Variants in DLC1 observed in about 807,000 individuals in gnomAD.
The protein encoded by DLC1 is rho GTPase-activating protein 7.
DLC1 carries 54 observed loss-of-function variants against 140.3 expected under a neutral mutation model. The ratio of observed to expected loss-of-function variants is 0.38; its 90% CI spans 0.31 to 0.48. DLC1 has a LOEUF of 0.48. DLC1 is among the 20% of genes least tolerant of loss of function. The pLI is 0.96. For missense variants in DLC1, 2,536 were observed against 1,907.0 expected (o/e 1.33, Z -6.14); for synonymous variants, 986 against 728.1 (o/e 1.35, Z -5.70).
Position 13,231,804 on chromosome 8 carries a change from A to G in DLC1, c.1348+73465T>C, listed in dbSNP as rs117982657. On this transcript the variant is annotated intron_variant, in intron 5 of 17. Transcript: ENST00000276297. ...ATTGTTTGTGAATTCCTTTTAAACA[A>G]TCTTTAAAAGGTCTCTGCAAAAGCA... Among the ~76,000 whole-genome samples the G allele has an allele frequency of 1.1e-4, 16 of 152,344 alleles. No homozygotes were observed. In the East Asian group the frequency reaches 2.7e-3, roughly 26 times the overall value.
At chr8:13,483,196 G>A (rs1019999347) in intron 2 of DLC1, among the ~76,000 whole-genome samples, 1 of 152,112 alleles carries the variant, frequency 6.6e-6, no homozygotes, top group Non-Finnish European at 1.5e-5. Context: ...CTCCTCTTCT[G>A]TCTCTTGTAA....
At chr8:13,396,495 C>G (rs1242963263) in intron 3 of DLC1, among the ~76,000 whole-genome samples, 1 of 152,154 alleles carries the variant, frequency 6.6e-6, no homozygotes, top group Non-Finnish European at 1.5e-5. Context: ...CTTTCACAGA[C>G]AAGGCTTTAC....
At chr8:13,571,702 C>G (rs777397470) in intron 1 of DLC1, among the ~76,000 whole-genome samples, 1 of 152,176 alleles carries the variant, frequency 6.6e-6, no homozygotes, top group African/African-American at 2.4e-5. Flanking sequence ...CACCTGCTTT[C>G]GATTCTTTTG....
At chr8:13,183,902 C>T (rs1398428600) in intron 5 of DLC1, among the ~76,000 whole-genome samples, 2 of 152,186 alleles carry the variant, frequency 1.3e-5, no homozygotes, top group Non-Finnish European at 2.9e-5. Flanking sequence ...ACCAACTCCT[C>T]CTTCTACTTC....
chr8:13,282,010 T>C (rs1458161614), intron 5 of DLC1, among the ~76,000 whole-genome samples: 1 of 152,208 alleles, frequency 6.6e-6, no homozygotes, highest in Non-Finnish European at 1.5e-5. Flanking sequence ...AGATCATTTA[T>C]TCTGGTTGAG....
intron 4 of DLC1, among the ~76,000 whole-genome samples, chr8:13,351,717 T>C (rs1268404132): frequency 6.6e-6 from 1 of 152,186 alleles, no homozygotes. Context: ...AAATATTCAC[T>C]ATCTGATCCT....
chr8:13,140,251 C>T (rs560444170), intron 5 of DLC1, among the ~76,000 whole-genome samples: 3 of 152,016 alleles, frequency 2.0e-5, no homozygotes, highest in Admixed American at 6.6e-5. Context: ...TATATTTTTC[C>T]AGACACGATC....
chr8:13,301,044 ACC>A (rs1238029023), intron 5 of DLC1, among the ~76,000 whole-genome samples: 1 of 152,064 alleles, frequency 6.6e-6, no homozygotes, highest in African/African-American at 2.4e-5. Context: ...CGGCAGGAGA[ACC>A]CAGGCGCCTA....
chr8:13,534,270 A>T (rs1803194953), intron 1 of DLC1, among the ~76,000 whole-genome samples: 1 of 152,216 alleles, frequency 6.6e-6, no homozygotes, highest in African/African-American at 2.4e-5. Context: ...ATGCAGTAGG[A>T]ATGTTAAAGC....
rs577373766 is a variant in DLC1, at chr8:13,155,804, G to T, written c.1349-40147C>A. 6.0e-4 allele frequency among the ~76,000 whole-genome samples: 91 copies of T among 152,270 alleles called. 1 individual carries two copies. The South Asian group carries it at 0.018, about 30-fold the overall frequency. On this transcript the variant is annotated intron_variant, in intron 5 of 17. Coordinates refer to ENST00000276297, the MANE Select transcript of DLC1 (RefSeq NM_182643.3). ...GGAATAAAAGAACTCAGAGCTGTAG[G>T]TTGGTAGTAACTTTAACTGAATATA...
In DLC1 at chr8:13,494,809, G is replaced by T. The variant is rs116122397; in HGVS notation, c.1023+4240C>A. Among the ~76,000 whole-genome samples the T allele has an allele frequency of 5.3e-3, 804 of 152,162 alleles. 8 individuals are homozygous for T. The highest frequency in any genetic ancestry group is 0.018 in the African/African-American group (751 of 41,500). On this transcript the variant is annotated intron_variant, in intron 2 of 17. Coordinates refer to ENST00000276297, the MANE Select transcript of DLC1 (RefSeq NM_182643.3). ...CTACTAAAAATATAAAAATTAGCCA[G>T]ATGTGAGGGTGCACTCCTGTAATCT... is the stretch of plus-strand genomic sequence containing the variant.
At chr8:13,448,960 G>A (rs1798922645) in intron 2 of DLC1, among the ~76,000 whole-genome samples, 1 of 151,970 alleles carries the variant, frequency 6.6e-6, no homozygotes, top group Admixed American at 6.6e-5. Flanking sequence ...CCCGCTATGG[G>A]TTTTTTTAGA....
At chr8:13,102,492 T>C (rs1181532712) in intron 8 of DLC1, among the ~76,000 whole-genome samples, 3 of 152,208 alleles carry the variant, frequency 2.0e-5, no homozygotes, top group Admixed American at 6.5e-5. Flanking sequence ...AAAAATCCAC[T>C]GGGATTCCTT....
chr8:13,495,406 C>T (rs763962391), intron 2 of DLC1, among the ~76,000 whole-genome samples: 4 of 152,140 alleles, frequency 2.6e-5, no homozygotes, highest in African/African-American at 7.2e-5. Flanking sequence ...TTTAACCAGC[C>T]GCCTCACCCC....
intron 1 of DLC1, among the ~76,000 whole-genome samples, chr8:13,592,449 T>C (rs1416665639): frequency 2.6e-5 from 4 of 152,124 alleles, no homozygotes; most frequent in South Asian, 2.1e-4. Flanking sequence ...CTTTTAATGT[T>C]CTATATAGCT....
chr8:13,571,754 T>C (rs944906590), intron 1 of DLC1, among the ~76,000 whole-genome samples: 8 of 152,228 alleles, frequency 5.3e-5, no homozygotes, highest in Non-Finnish European at 1.2e-4. Flanking sequence ...ACGTGGTAAT[T>C]CTATGTTTAG....
intron 4 of DLC1, among the ~76,000 whole-genome samples, chr8:13,305,817 A>G (rs1233748568): frequency 6.6e-6 from 1 of 152,234 alleles, no homozygotes; most frequent in Admixed American, 6.5e-5. Context: ...AGCCTGGGCA[A>G]CACAGTCAGA....
chr8:13,401,528 G>A lies in DLC1; in HGVS notation c.1115C>T (p.Ala372Val). ...LDQLDQDIEN[A>V]LSTSSSPSGT... ...TGATGGAGAGGAGCTGGTGCTGAGGGCATTTTCTATGTCCTGATCAAGCTG... is the reference window on the plus strand; with the variant it reads ...TGATGGAGAGGAGCTGGTGCTGAGGACATTTTCTATGTCCTGATCAAGCTG... The change falls in exon 3 of 18, where the codon GCC (alanine) becomes GTC (valine). Residue 372 changes from alanine to valine, a missense_variant. Coordinates refer to ENST00000276297, the MANE Select transcript of DLC1 (RefSeq NM_182643.3). 6.2e-7 allele frequency: 1 copy of A among 1,613,168 alleles called. No individual in the cohort carries two copies. Among genetic ancestry groups the A allele is most frequent in the Middle Eastern group, 1.9e-4 (1 of 5,346 alleles).
chr8:13,487,950 T>C (rs1801046024), intron 2 of DLC1, among the ~76,000 whole-genome samples: 1 of 152,238 alleles, frequency 6.6e-6, no homozygotes, highest in Non-Finnish European at 1.5e-5. Context: ...AGTACATTTC[T>C]TGCCTGCTTT....
Sources: gnomAD v4.1 joint callset for allele counts (sites outside exome capture counted in the v4.1 genomes callset) on GRCh38, gnomAD v4.1.1 for gene constraint, MANE v1.5 for transcripts, NCBI Gene and HGNC (gene_info 2026-07-23, HGNC 2026-07-21) for gene names.